Variants in CACNA2D3 observed in about 807,000 individuals in gnomAD.
CACNA2D3 encodes the protein voltage-dependent calcium channel subunit alpha-2/delta-3.
A neutral mutation model predicts 160.6 loss-of-function variants in CACNA2D3; 60 were observed. The observed-to-expected ratio is 0.37, with a 90% CI of 0.30 to 0.46. CACNA2D3 has a LOEUF of 0.46. Among genes scored for constraint, CACNA2D3 ranks in the 20% least tolerant of loss-of-function variants. The pLI is 1.00. For missense variants in CACNA2D3, 1,205 were observed against 1,365.0 expected (o/e 0.88, Z 1.85); for synonymous variants, 558 against 492.9 (o/e 1.13, Z -1.75).
At chr3:55,001,438 AG>A (rs1400390639) in intron 31 of CACNA2D3, among the ~76,000 whole-genome samples, 1 of 152,214 alleles carries the variant, frequency 6.6e-6, no homozygotes, top group Non-Finnish European at 1.5e-5. Flanking sequence ...CTTCCTCTCT[AG>A]CAGGCACTGT....
At chr3:54,462,084 G>C (rs1700515995) in intron 4 of CACNA2D3, among the ~76,000 whole-genome samples, 1 of 152,220 alleles carries the variant, frequency 6.6e-6, no homozygotes, top group South Asian at 2.1e-4. Context: ...TAGTTGAGTG[G>C]TTTTGAGTGA....
intron 27 of CACNA2D3, among the ~76,000 whole-genome samples, chr3:54,904,226 C>A (rs964994809): frequency 6.6e-6 from 1 of 152,166 alleles, no homozygotes; most frequent in African/African-American, 2.4e-5. Context: ...TTACGCTGAT[C>A]GTGGTGGTGA....
At chr3:54,621,689 G>T (rs185588874) in intron 9 of CACNA2D3, among the ~76,000 whole-genome samples, 25 of 152,294 alleles carry the variant, frequency 1.6e-4, no homozygotes, top group Admixed American at 5.9e-4. Flanking sequence ...TTCTGTAGCT[G>T]TGCCCTTGAG....
chr3:54,581,155 G>A (rs1446432049), intron 8 of CACNA2D3, among the ~76,000 whole-genome samples: 1 of 152,214 alleles, frequency 6.6e-6, no homozygotes, highest in Non-Finnish European at 1.5e-5. Context: ...CAAGCTTGCT[G>A]AGAGAAATGA....
At chr3:54,763,717 A>ATGTGGGGGGGGGTG in intron 12 of CACNA2D3, among the ~76,000 whole-genome samples, 1 of 115,730 alleles carries the variant, frequency 8.6e-6, no homozygotes, top group Admixed American at 8.8e-5. Context: ...ATATATATGT[A>ATGTGGGGGGGGGTG]CATATATACA....
At chr3:55,032,042 C>T (rs760245608) in intron 35 of CACNA2D3, among the ~76,000 whole-genome samples, 4 of 152,118 alleles carry the variant, frequency 2.6e-5, no homozygotes, top group Admixed American at 6.6e-5. Flanking sequence ...TACTGTTTAT[C>T]GAATGCCTAC....
At chr3:54,728,578 C>G (rs557098397) in intron 11 of CACNA2D3, among the ~76,000 whole-genome samples, 46 of 152,166 alleles carry the variant, frequency 3.0e-4, no homozygotes, top group African/African-American at 1.0e-3. Flanking sequence ...GGCTCTGTTT[C>G]TTGGCATGCC....
chr3:54,615,579 C>T (rs940223931), intron 9 of CACNA2D3, among the ~76,000 whole-genome samples: 1 of 152,162 alleles, frequency 6.6e-6, no homozygotes, highest in Non-Finnish European at 1.5e-5. Flanking sequence ...AACATGAATC[C>T]TCATTCAAAC....
intron 5 of CACNA2D3, among the ~76,000 whole-genome samples, chr3:54,509,626 G>T (rs1016308870): frequency 6.6e-6 from 1 of 151,990 alleles, no homozygotes; most frequent in Non-Finnish European, 1.5e-5. Context: ...CCTCAGCAAG[G>T]CCCAGGAAAC....
chr3:54,974,567 G>A (rs1242921767), intron 29 of CACNA2D3, among the ~76,000 whole-genome samples: 1 of 152,108 alleles, frequency 6.6e-6, no homozygotes, highest in Non-Finnish European at 1.5e-5. Flanking sequence ...CCTGGGTTTG[G>A]GCTTTAACTT....
intron 35 of CACNA2D3, among the ~76,000 whole-genome samples, chr3:55,031,547 G>A (rs951429514): frequency 5.3e-5 from 8 of 152,100 alleles, no homozygotes; most frequent in Non-Finnish European, 8.8e-5. Flanking sequence ...AAGAAAATTC[G>A]TTTTTTAATG....
chr3:54,188,219 G>T (rs1700911862), intron 2 of CACNA2D3, among the ~76,000 whole-genome samples: 1 of 149,518 alleles, frequency 6.7e-6, no homozygotes, highest in Non-Finnish European at 1.5e-5. Flanking sequence ...TTTAGAAAGG[G>T]AGAACTTAAA....
chr3:54,386,878 G>T, intron 4 of CACNA2D3, 104 bp downstream of exon 4: 1 of 1,062,070 alleles, frequency 9.4e-7, no homozygotes, highest in East Asian at 2.6e-5. Flanking sequence ...GGGAGGGAGA[G>T]GCTTTTGAGA....
chr3:54,380,854 C>T (rs1210105797), intron 3 of CACNA2D3, among the ~76,000 whole-genome samples: 1 of 152,176 alleles, frequency 6.6e-6, no homozygotes, highest in Admixed American at 6.5e-5. Context: ...CATTTTTCTA[C>T]ACATTGAACT....
intron 2 of CACNA2D3, among the ~76,000 whole-genome samples, chr3:54,175,583 A>T (rs908078517): frequency 1.4e-5 from 2 of 145,146 alleles, no homozygotes; most frequent in Non-Finnish European, 3.0e-5. Context: ...ACTGCACTCC[A>T]GCCTGGGGTG....
At chr3:55,073,028 A>G (rs1057335135) in intron 35 of CACNA2D3, among the ~76,000 whole-genome samples, 7 of 152,214 alleles carry the variant, frequency 4.6e-5, no homozygotes, top group Non-Finnish European at 7.3e-5. Flanking sequence ...GTTTCAGTCT[A>G]TCGTTGAGGG....
chr3:54,652,165 C>G (rs1186575672), intron 11 of CACNA2D3, among the ~76,000 whole-genome samples: 1 of 151,820 alleles, frequency 6.6e-6, no homozygotes, highest in Admixed American at 6.6e-5. Context: ...GTCACTCTGG[C>G]TGTCTGTATT....
At chr3:54,776,453 T>C (rs1242801886) in intron 13 of CACNA2D3, among the ~76,000 whole-genome samples, 3 of 152,140 alleles carry the variant, frequency 2.0e-5, no homozygotes, top group Non-Finnish European at 4.4e-5. Flanking sequence ...AGATCAAGGC[T>C]GCAGTGAGCC....
chr3:55,073,021 T>G (rs537555627), intron 35 of CACNA2D3, among the ~76,000 whole-genome samples: 1 of 152,354 alleles, frequency 6.6e-6, no homozygotes, highest in African/African-American at 2.4e-5. Flanking sequence ...TGACATAGTT[T>G]CAGTCTATCG....
Sources: allele counts gnomAD v4.1 joint callset (sites outside exome capture counted in the v4.1 genomes callset), GRCh38; gene constraint gnomAD v4.1.1; transcripts MANE v1.5; gene names NCBI Gene and HGNC (gene_info 2026-07-23, HGNC 2026-07-21).